Variants in MAP2K5 observed in about 807,000 individuals in gnomAD.
The protein encoded by MAP2K5 is mitogen-activated protein kinase kinase 5.
MAP2K5 carries 49 observed loss-of-function variants against 83.1 expected under a neutral mutation model. The ratio of observed to expected loss-of-function variants is 0.59; its 90% confidence interval spans 0.47 to 0.75. The LOEUF (loss-of-function observed/expected upper bound fraction) is 0.75, where lower values mean the gene tolerates loss of function less well. Ranked by LOEUF, MAP2K5 falls within the 30% of genes least tolerant of loss-of-function variation. The pLI is 0.00. For missense variants in MAP2K5, 457 were observed against 557.5 expected, an observed-to-expected ratio of 0.82 and a Z score of 1.82; for synonymous variants, 202 against 191.8, an observed-to-expected ratio of 1.05 and a Z score of -0.44.
At position 67,579,723 on chromosome 15, in the gene MAP2K5, ATAATTTTAATGTACAT is replaced by A. The variant is rs1567286306; in HGVS notation, c.253-1030_253-1015del. The stretch of plus-strand genomic sequence containing the variant: ...GAAAAAAAAAACCCTTGCTCTTGTA[ATAATTTTAATGTACAT>A]AAAAGCAATAGGAAGATATATGTGA... On this transcript the variant is annotated intron_variant, in intron 3 of 21. Transcript: ENST00000178640. Among the ~76,000 whole-genome samples the A allele has an allele frequency of 5.2e-3, 799 of 152,258 alleles. 4 individuals carry two copies. The highest frequency in any genetic ancestry group is 0.019 in the African/African-American group (771 of 41,514).
intron 16 of MAP2K5, among the ~76,000 whole-genome samples, chr15:67,723,255 T>C (rs1382765463): frequency 6.6e-6 from 1 of 152,214 alleles, no homozygotes; most frequent in Non-Finnish European, 1.5e-5. Context: ...TATTTGGCAA[T>C]TGTTATGATC....
At chr15:67,766,257 G>A (rs538772557) in intron 19 of MAP2K5, among the ~76,000 whole-genome samples, 1 of 152,330 alleles carries the variant, frequency 6.6e-6, no homozygotes, top group African/African-American at 2.4e-5. Context: ...GAGGCTTTTG[G>A]TTAAGGTTGT....
Position 67,792,814 on chromosome 15 carries a change from C to T in MAP2K5, c.1243-13832C>T, listed in dbSNP as rs143569478. On this transcript the variant is annotated intron_variant, in intron 21 of 21. Coordinates refer to ENST00000178640, the MANE Select transcript of MAP2K5 (RefSeq NM_145160.3). The stretch of plus-strand genomic sequence containing the variant: ...GCAAAGAAGCCAAGGTAAACTTGGG[C>T]CCAAAGCGGCCCCGTATGTCTTTAA... Among the ~76,000 whole-genome samples the T allele has an allele frequency of 3.1e-3, 472 of 152,270 alleles. 2 individuals carry two copies. Among genetic ancestry groups the T allele is most frequent in the African/African-American group, 0.011 (457 of 41,544 alleles).
intron 4 of MAP2K5, among the ~76,000 whole-genome samples, chr15:67,582,758 C>T (rs533831473): frequency 1.6e-4 from 25 of 151,936 alleles, no homozygotes; most frequent in African/African-American, 5.8e-4. Flanking sequence ...GAGGTTGAGG[C>T]TACAGTGAGC....
chr15:67,746,346 T>C lies in MAP2K5; in HGVS notation c.1075-1885T>C, dbSNP rs749725129. Among the ~76,000 whole-genome samples, 40 of 152,204 alleles carry C rather than the reference T, an allele frequency of 2.6e-4. No homozygotes were observed. Among genetic ancestry groups the C allele is most frequent in the Non-Finnish European group, 5.3e-4 (36 of 68,036 alleles). On this transcript the variant is annotated intron_variant, in intron 17 of 21. Transcript: ENST00000178640. The surrounding 1 kb of genome is among the most constrained non-coding windows in gnomAD (Gnocchi z 4.1). ...TGGAAATTTGTGAAACACATTCTCT[T>C]TGATGTCAGAAATGGATTTCTGATT...
At chr15:67,788,226 T>C (rs1190189535) in intron 21 of MAP2K5, among the ~76,000 whole-genome samples, 1 of 152,256 alleles carries the variant, frequency 6.6e-6, no homozygotes, top group Non-Finnish European at 1.5e-5. Context: ...AATGTATAGC[T>C]CTGGGGCCCC....
intron 2 of MAP2K5, among the ~76,000 whole-genome samples, chr15:67,558,877 C>T (rs2084680655): frequency 6.6e-6 from 1 of 152,052 alleles, no homozygotes. Context: ...TTTCTTTTTT[C>T]ACTGTTACTG....
intron 9 of MAP2K5, among the ~76,000 whole-genome samples, chr15:67,645,692 C>T (rs1022708246): frequency 6.6e-6 from 1 of 151,888 alleles, no homozygotes; most frequent in Non-Finnish European, 1.5e-5. Flanking sequence ...TAGATTGGGA[C>T]CACCCGATCA....
chr15:67,546,607 GT>G (rs2084393938), intron 1 of MAP2K5: 4 of 985,612 alleles, frequency 4.1e-6, no homozygotes, highest in Non-Finnish European at 4.8e-6. Flanking sequence ...TGGGTCTTCT[GT>G]TTTGCAGCTT....
chr15:67,682,470 G>T (rs1006153610), intron 13 of MAP2K5, among the ~76,000 whole-genome samples: 3 of 151,568 alleles, frequency 2.0e-5, no homozygotes, highest in Non-Finnish European at 4.4e-5. Context: ...TGTTTCACCC[G>T]CCTTGGCCTC....
Position 67,757,460 on chromosome 15 carries a change from A to T in MAP2K5, c.1134+8859A>T, listed in dbSNP as rs2089862656. 6.6e-6 allele frequency among the ~76,000 whole-genome samples: 1 copy of T among 152,108 alleles called. No homozygotes were observed. The highest frequency in any genetic ancestry group is 2.4e-5 in the African/African-American group (1 of 41,414). On this transcript the variant is annotated intron_variant, in intron 19 of 21. Coordinates refer to ENST00000178640, the MANE Select transcript of MAP2K5 (RefSeq NM_145160.3). This position sits in a 1 kb window ranked among gnomAD's most constrained non-coding sequence, Gnocchi z 4.9. Reference sequence around the variant, plus strand: ...TTTGGTCAGAGTATGGGAGATTCAGATCTCCACCCCCTTTCCCACACACCT... The same window carrying T: ...TTTGGTCAGAGTATGGGAGATTCAGTTCTCCACCCCCTTTCCCACACACCT...
intron 11 of MAP2K5, among the ~76,000 whole-genome samples, chr15:67,650,901 TC>T (rs2086936220): frequency 6.6e-6 from 1 of 152,194 alleles, no homozygotes; most frequent in South Asian, 2.1e-4. Context: ...TATGAAGGAT[TC>T]ATGTTAATTC....
chr15:67,581,264 G>T (rs1250992332), intron 4 of MAP2K5, among the ~76,000 whole-genome samples: 1 of 152,116 alleles, frequency 6.6e-6, no homozygotes, highest in African/African-American at 2.4e-5. Context: ...TTTGGTATCT[G>T]GTTTTTTGAG....
rs1332768303 is a variant in MAP2K5, at chr15:67,576,920, A to G, written c.253-3834A>G. Reference sequence around the variant, plus strand: ...AATTTTTGAGCCTCACAGTAACCCTATATATATATTTTTTTTTTTTTTTTT... The same window carrying G: ...AATTTTTGAGCCTCACAGTAACCCTGTATATATATTTTTTTTTTTTTTTTT... On this transcript the variant is annotated intron_variant, in intron 3 of 21. Transcript: ENST00000178640. Among the ~76,000 whole-genome samples, 7 of 129,896 alleles carry G rather than the reference A, an allele frequency of 5.4e-5. 1 individual carries two copies. Among genetic ancestry groups the G allele is most frequent in the African/African-American group, 2.1e-4 (7 of 33,782 alleles). 85.2% of individuals were successfully genotyped at this position (129,896 alleles called of 152,430 possible).
At chr15:67,787,449 G>A (rs746618910) in intron 21 of MAP2K5, among the ~76,000 whole-genome samples, 20 of 152,180 alleles carry the variant, frequency 1.3e-4, no homozygotes, top group Non-Finnish European at 2.4e-4. Context: ...CAGGAACTAT[G>A]TTTGACTTCT....
intron 16 of MAP2K5, among the ~76,000 whole-genome samples, chr15:67,703,738 T>C (rs1191297079): frequency 4.1e-4 from 63 of 152,244 alleles, no homozygotes; most frequent in South Asian, 4.1e-4. Flanking sequence ...GTGATTCTTA[T>C]ACATACTAAA....
intron 17 of MAP2K5, among the ~76,000 whole-genome samples, chr15:67,734,683 T>G (rs11633948): frequency 0.84 from 127,918 of 152,120 alleles, 53,811 homozygotes; most frequent in Admixed American, 0.88. Context: ...TACTGATCAC[T>G]CCTGGAATTG....
intron 17 of MAP2K5, among the ~76,000 whole-genome samples, chr15:67,730,801 A>C (rs1282620908): frequency 6.6e-6 from 1 of 152,160 alleles, no homozygotes; most frequent in Non-Finnish European, 1.5e-5. Context: ...TGTCTTCACT[A>C]GTGGCAAATT....
rs1033015950 is a variant in MAP2K5, at chr15:67,543,938, C to T, written c.135+468C>T. On this transcript the variant is annotated intron_variant, in intron 1 of 21. Transcript: ENST00000178640. The surrounding 1 kb of genome is among the most constrained non-coding windows in gnomAD (Gnocchi z 4.3). Reference sequence around the variant, plus strand: ...TTCATTAATTTATTTTGAGACAGGGCCTCACTCTGTCGCTCAGGCTGCAGT... The same window carrying T: ...TTCATTAATTTATTTTGAGACAGGGTCTCACTCTGTCGCTCAGGCTGCAGT... 1.3e-5 allele frequency among the ~76,000 whole-genome samples: 2 copies of T among 152,202 alleles called. No individual in the cohort carries two copies. The highest frequency in any genetic ancestry group is 4.8e-5 in the African/African-American group (2 of 41,448).
Sources: allele counts gnomAD v4.1 joint callset (sites outside exome capture counted in the v4.1 genomes callset), GRCh38; gene constraint gnomAD v4.1.1; non-coding constraint Gnocchi (gnomAD v3.1); transcripts MANE v1.5; gene names NCBI Gene and HGNC (gene_info 2026-07-23, HGNC 2026-07-21).